Variants in CROT observed in about 807,000 individuals in gnomAD.
CROT encodes peroxisomal carnitine O-octanoyltransferase.
CROT carries 84 observed loss-of-function variants against 89.2 expected under a neutral mutation model. The observed-to-expected ratio is 0.94, with a 90% CI of 0.79 to 1.13. The LOEUF is 1.13. Ranked by LOEUF, CROT falls within the 50% of genes most tolerant of loss-of-function variation. CROT has a pLI of 0.00. For synonymous variants in CROT, 212 were observed against 239.5 expected (o/e 0.89, Z 1.06); for missense variants, 711 against 727.8 (o/e 0.98, Z 0.27).
In CROT at chr7:87,363,131, C is replaced by T. The variant is rs116958088; in HGVS notation, c.547+1279C>T. Among the ~76,000 whole-genome samples the T allele has an allele frequency of 6.6e-5, 10 of 152,234 alleles. No individual in the cohort carries two copies. In the East Asian group the frequency reaches 7.7e-4, roughly 12 times the overall value. ...AGACCTGCTTTTGAATTGTCTTTAT[C>T]GCTTAGTAGGTATATCCTTAGATAA... On this transcript the variant is annotated intron_variant, in intron 6 of 17. Coordinates refer to ENST00000331536, the MANE Select transcript of CROT (RefSeq NM_021151.4).
At chr7:87,350,331 G>T (rs1170347185) in intron 3 of CROT, among the ~76,000 whole-genome samples, 1 of 152,106 alleles carries the variant, frequency 6.6e-6, no homozygotes, top group East Asian at 1.9e-4. Flanking sequence ...ATATGGTTTT[G>T]CAAGCCCACT....
intron 17 of CROT, among the ~76,000 whole-genome samples, chr7:87,396,533 T>C (rs1807531215): frequency 6.6e-6 from 1 of 152,112 alleles, no homozygotes. Flanking sequence ...TGGTACAGTA[T>C]AGAAACATTT....
At chr7:87,374,842 C>T (rs1225396273) in intron 7 of CROT, among the ~76,000 whole-genome samples, 1 of 151,806 alleles carries the variant, frequency 6.6e-6, no homozygotes, top group Non-Finnish European at 1.5e-5. Context: ...ATTTTTTGAC[C>T]ATTTATTAAG....
chr7:87,379,663 A>G (rs74439158), intron 10 of CROT, among the ~76,000 whole-genome samples: 1,900 of 152,346 alleles, frequency 0.012, 38 homozygotes, highest in African/African-American at 0.042. Flanking sequence ...GTGTGCGGAC[A>G]TGTTTTATGT....
chr7:87,351,972 T>C (rs765044079), intron 3 of CROT, among the ~76,000 whole-genome samples: 2 of 152,250 alleles, frequency 1.3e-5, no homozygotes, highest in Non-Finnish European at 2.9e-5. Context: ...TACGTGATCT[T>C]AGATTCTATT....
rs2115764833 is a variant in CROT, at chr7:87,345,776, A to C, written c.-113+9A>C. 3.5e-6 allele frequency: 1 copy of C among 283,676 alleles called. No individual in the cohort carries two copies. The highest frequency in any genetic ancestry group is 5.7e-5 in the East Asian group (1 of 17,448). The allele number at this position is 283,676 out of a possible 1,614,324, so 17.6% of individuals were successfully genotyped here. On this transcript the variant is annotated intron_variant, in intron 1 of 17. Coordinates refer to ENST00000331536, the MANE Select transcript of CROT (RefSeq NM_021151.4). The stretch of plus-strand genomic sequence containing the variant: ...GCGGTGAGGACGGACAGGTCCGTTG[A>C]AGCAGCATTCCCTCCCTCCCCTAAT...
chr7:87,346,495 A>C (rs1409027876), intron 2 of CROT, 65 bp downstream of exon 2: 1 of 152,128 alleles, frequency 6.6e-6, no homozygotes, highest in Non-Finnish European at 1.5e-5. Context: ...TTCATATCTA[A>C]TTGCCCCCAG....
chr7:87,349,375 A>G (rs1805800342), intron 3 of CROT, among the ~76,000 whole-genome samples, 192 bp downstream of exon 3: 2 of 152,148 alleles, frequency 1.3e-5, no homozygotes, highest in African/African-American at 4.8e-5. Flanking sequence ...CTTCTCCATT[A>G]TAGAGTAGGA....
At chr7:87,380,558 C>T (rs1806960788) in intron 10 of CROT, among the ~76,000 whole-genome samples, 1 of 152,148 alleles carries the variant, frequency 6.6e-6, no homozygotes, top group African/African-American at 2.4e-5. Flanking sequence ...AGCCTACATT[C>T]TTAAACACTA....
chr7:87,394,898 C>T (rs185970844), intron 17 of CROT, among the ~76,000 whole-genome samples: 16 of 152,018 alleles, frequency 1.1e-4, no homozygotes, highest in Admixed American at 9.8e-4. Flanking sequence ...AGGCAGCAGA[C>T]AAGTTCCCAG....
intron 6 of CROT, among the ~76,000 whole-genome samples, chr7:87,362,351 C>T (rs1488909344): frequency 4.0e-5 from 6 of 150,320 alleles, no homozygotes; most frequent in Admixed American, 4.0e-4. Context: ...ACTCTGTTGC[C>T]CAGGTTGCGA....
At chr7:87,376,633 A>AT (rs200986779) in intron 9 of CROT, among the ~76,000 whole-genome samples, 6,617 of 143,100 alleles carry the variant, frequency 0.046, 425 homozygotes, top group African/African-American at 0.15. Flanking sequence ...AAGGAGAGAG[A>AT]TTTTTTTTTT....
intron 9 of CROT, among the ~76,000 whole-genome samples, chr7:87,376,308 A>G (rs536738312): frequency 6.6e-6 from 1 of 152,246 alleles, no homozygotes; most frequent in South Asian, 2.1e-4. Context: ...TAACCTAATC[A>G]TAACCTGCAC....
At chr7:87,351,631 T>C (rs1159670210) in intron 3 of CROT, among the ~76,000 whole-genome samples, 1 of 152,230 alleles carries the variant, frequency 6.6e-6, no homozygotes, top group Non-Finnish European at 1.5e-5. Flanking sequence ...GGATTCTTTA[T>C]TGGCTCACAA....
chr7:87,356,366 T>G (rs973333501), intron 3 of CROT, among the ~76,000 whole-genome samples: 3 of 152,220 alleles, frequency 2.0e-5, no homozygotes, highest in Non-Finnish European at 4.4e-5. Flanking sequence ...GTTTTGCCTT[T>G]TCACATTTTG....
chr7:87,373,586 C>T (rs557826566), intron 7 of CROT, among the ~76,000 whole-genome samples: 23 of 151,920 alleles, frequency 1.5e-4, no homozygotes, highest in Admixed American at 6.6e-4. Flanking sequence ...TTTAAATATA[C>T]ATTTAGTTGG....
At chr7:87,346,185 G>GGTGGACTATTTGCGT (rs1333133077) in intron 1 of CROT, 155 bp from the exon 2 acceptor site, 6 of 151,340 alleles carry the variant, frequency 4.0e-5, no homozygotes, top group African/African-American at 1.5e-4. Flanking sequence ...CTCTCTAGCA[G>GGTGGACTATTTGCGT]GTGGACTATT....
In CROT at chr7:87,398,654, A is replaced by G; in HGVS notation, c.*10A>G. On this transcript the variant is annotated 3_prime_UTR_variant, in exon 18 of 18. Coordinates refer to ENST00000331536, the MANE Select transcript of CROT (RefSeq NM_021151.4). ...CTCTACTCATCTTTAGAGATGAATCATCTATTAAGCACTTACCAAAACATA... is the reference window on the plus strand; with the variant it reads ...CTCTACTCATCTTTAGAGATGAATCGTCTATTAAGCACTTACCAAAACATA... The G allele has an allele frequency of 6.2e-7, 1 of 1,611,906 alleles. No homozygotes were observed. Among genetic ancestry groups the G allele is most frequent in the African/African-American group, 1.3e-5 (1 of 75,006 alleles).
chr7:87,361,559 A>G lies in CROT; in HGVS notation c.410A>G (p.Gln137Arg), dbSNP rs1430491807. 3 of 1,592,812 alleles carry G rather than the reference A, an allele frequency of 1.9e-6. No homozygotes were observed. Among genetic ancestry groups the G allele is most frequent in the East Asian group, 4.5e-5 (2 of 44,602 alleles). Residue 137 changes from glutamine to arginine, a missense_variant, in exon 5 of 18, where the codon CAG becomes CGG. Gln to Arg is a conservative substitution (Grantham distance 43). Transcript: ENST00000331536. ...CTTTGGCATAACTTGAACTACTGGC[A>G]GCTATTAAGAAAGTAAGGACACATG... The part of the protein sequence containing the change: ...ITLWHNLNYW[Q>R]LLRKEKVPVH...
Sources: allele counts gnomAD v4.1 joint callset (sites outside exome capture counted in the v4.1 genomes callset), GRCh38; gene constraint gnomAD v4.1.1; transcripts MANE v1.5; gene names NCBI Gene and HGNC (gene_info 2026-07-23, HGNC 2026-07-21).